The following IL1RAP variants were observed in gnomAD, a reference collection of about 807,000 sequenced individuals.
IL1RAP encodes interleukin-1 receptor accessory protein.
IL1RAP carries 35 observed loss-of-function variants against 60.7 expected under a neutral mutation model. The observed-to-expected ratio is 0.58, with a 90% CI of 0.44 to 0.76. The LOEUF (loss-of-function observed/expected upper bound fraction) is 0.76, where lower values mean the gene tolerates loss of function less well. Among genes scored for constraint, IL1RAP ranks in the 30% least tolerant of loss-of-function variants. The probability of loss-of-function intolerance (pLI) is 0.00; values close to 1 mark genes in which losing one functional copy is unlikely to be tolerated. For missense variants in IL1RAP, 572 were observed against 693.9 expected (o/e 0.82, Z 1.97); for synonymous variants, 268 against 250.9 (o/e 1.07, Z -0.64).
At chr3:190,612,941 A>C (rs1380217243) in intron 5 of IL1RAP, among the ~76,000 whole-genome samples, 2 of 152,132 alleles carry the variant, frequency 1.3e-5, no homozygotes, top group African/African-American at 2.4e-5. Context: ...AACTGTGATC[A>C]GTGCAATATG....
intron 3 of IL1RAP, among the ~76,000 whole-genome samples, chr3:190,590,063 C>T (rs1339062662): frequency 1.3e-5 from 2 of 152,218 alleles, no homozygotes; most frequent in Non-Finnish European, 2.9e-5. Context: ...TAATAATCCA[C>T]ATCATGATAG....
At chr3:190,540,135 T>C in intron 1 of IL1RAP, among the ~76,000 whole-genome samples, 1 of 152,102 alleles carries the variant, frequency 6.6e-6, no homozygotes. Flanking sequence ...TAGAGAGATC[T>C]AGGACATCTT....
At chr3:190,564,156 G>C in intron 2 of IL1RAP, 133 bp from the exon 3 acceptor site, 1 of 619,658 alleles carries the variant, frequency 1.6e-6, no homozygotes, top group Non-Finnish European at 2.9e-6. Flanking sequence ...TTCTGACAAT[G>C]AAATTTGTTA....
chr3:190,638,742 T>C (rs1427815687), intron 9 of IL1RAP, among the ~76,000 whole-genome samples: 2 of 152,176 alleles, frequency 1.3e-5, no homozygotes, highest in Non-Finnish European at 2.9e-5. Context: ...TTTTTTTTCA[T>C]GAATGGTGTG....
At position 190,644,398 on chromosome 3, in the gene IL1RAP, G is replaced by A; in HGVS notation, c.1201+1G>A. On this transcript the variant is annotated splice_donor_variant, in intron 10 of 11. Transcript: ENST00000447382. LOFTEE classifies it high-confidence loss of function. ...TTTGGAACAGATGAAACCATTTTAG[G>A]TAAGTAACAGAAATTTGACATAAAC... The A allele has an allele frequency of 6.2e-7, 1 of 1,610,828 alleles. No homozygotes were observed. Among genetic ancestry groups the A allele is most frequent in the Non-Finnish European group, 8.5e-7 (1 of 1,177,276 alleles).
intron 5 of IL1RAP, among the ~76,000 whole-genome samples, chr3:190,611,655 G>A (rs1020462455): frequency 3.3e-5 from 5 of 152,146 alleles, no homozygotes; most frequent in Admixed American, 2.0e-4. Flanking sequence ...ATTGACATGG[G>A]CCGTGACGAA....
chr3:190,519,366 C>A (rs1160519101), intron 1 of IL1RAP, among the ~76,000 whole-genome samples: 1 of 152,130 alleles, frequency 6.6e-6, no homozygotes, highest in Non-Finnish European at 1.5e-5. Flanking sequence ...GTACTTTTGT[C>A]ATTTCATTTA....
intron 3 of IL1RAP, among the ~76,000 whole-genome samples, chr3:190,590,321 T>C (rs927588527): frequency 1.3e-5 from 2 of 151,814 alleles, no homozygotes; most frequent in East Asian, 3.9e-4. Flanking sequence ...AGTGGCACCA[T>C]CTTGGCTCAC....
chr3:190,595,718 G>A (rs2193873), intron 3 of IL1RAP, among the ~76,000 whole-genome samples: 79,043 of 151,872 alleles, frequency 0.52, 20,867 homozygotes, highest in African/African-American at 0.58. Context: ...ACTGGTTCTG[G>A]TCTCAGCCAA....
chr3:190,628,181 T>G (rs1732477409), intron 8 of IL1RAP, among the ~76,000 whole-genome samples: 1 of 152,176 alleles, frequency 6.6e-6, no homozygotes. Flanking sequence ...AAGGTTCCAC[T>G]GCAAATGAAG....
intron 9 of IL1RAP, among the ~76,000 whole-genome samples, chr3:190,637,449 A>T (rs1197985084): frequency 6.6e-6 from 1 of 151,748 alleles, no homozygotes; most frequent in Non-Finnish European, 1.5e-5. Context: ...CCTACCATTA[A>T]CATTGGTTAT....
chr3:190,609,847 T>C (rs544742108), intron 5 of IL1RAP, among the ~76,000 whole-genome samples: 9 of 151,988 alleles, frequency 5.9e-5, no homozygotes, highest in African/African-American at 2.2e-4. Context: ...ATGGGATCAG[T>C]GTTTGTGGGG....
intron 9 of IL1RAP, among the ~76,000 whole-genome samples, chr3:190,633,081 TA>T (rs1050210267): frequency 8.7e-5 from 7 of 80,876 alleles, no homozygotes; most frequent in Admixed American, 2.3e-4. Flanking sequence ...AGGAACCATA[TA>T]TTTTTTTTCG....
At chr3:190,631,038 T>TACTTATTTAAAATCC (rs1430786591) in intron 9 of IL1RAP, among the ~76,000 whole-genome samples, 1 of 152,208 alleles carries the variant, frequency 6.6e-6, no homozygotes, top group African/African-American at 2.4e-5. Flanking sequence ...AAGTATCATT[T>TACTTATTTAAAATCC]ATGTCTGGAT....
At chr3:190,562,373 T>G (rs917311087) in intron 2 of IL1RAP, among the ~76,000 whole-genome samples, 1 of 150,820 alleles carries the variant, frequency 6.6e-6, no homozygotes, top group African/African-American at 2.4e-5. Flanking sequence ...TGCAGGGGGT[T>G]TTTTTTTTGG....
chr3:190,623,257 A>G, intron 6 of IL1RAP, 87 bp from the exon 7 acceptor site: 3 of 961,032 alleles, frequency 3.1e-6, no homozygotes, highest in South Asian at 2.6e-5. Flanking sequence ...TATGCCAGGA[A>G]GTTAGGCAAG....
In IL1RAP at chr3:190,568,569, T is replaced by G. The variant is rs572163791; in HGVS notation, c.64+4216T>G. On this transcript the variant is annotated intron_variant, in intron 3 of 11. Coordinates refer to ENST00000447382, the MANE Select transcript of IL1RAP (RefSeq NM_002182.4). The stretch of plus-strand genomic sequence containing the variant: ...ATAAATAGTAAAAAACACTGTGGTT[T>G]CCTAGTAATTGAGAGATTCAAGTTC... 4.6e-5 allele frequency among the ~76,000 whole-genome samples: 7 copies of G among 152,316 alleles called. No individual in the cohort carries two copies. The South Asian group carries it at 1.5e-3, about 32-fold the overall frequency.
rs900681328 is a variant in IL1RAP at position 190,567,494 on chromosome 3, T to G, written c.64+3141T>G. On this transcript the variant is annotated intron_variant, in intron 3 of 11. Transcript: ENST00000447382. Reference sequence around the variant, plus strand: ...TGGGTAAGACAAGTTAGGATCAAAGTATTTAATTGTATTACTCGAAGTCAC... The same window carrying G: ...TGGGTAAGACAAGTTAGGATCAAAGGATTTAATTGTATTACTCGAAGTCAC... Among the ~76,000 whole-genome samples, 8 of 152,202 alleles carry G rather than the reference T, an allele frequency of 5.3e-5. 1 individual carries two copies. Among genetic ancestry groups the G allele is most frequent in the Non-Finnish European group, 5.9e-5 (4 of 68,038 alleles).
intron 5 of IL1RAP, among the ~76,000 whole-genome samples, chr3:190,612,290 C>T (rs1456718562): frequency 6.6e-6 from 1 of 151,918 alleles, no homozygotes; most frequent in Non-Finnish European, 1.5e-5. Context: ...AACAGTTTTA[C>T]ATCAATAAGT....
Sources: allele counts gnomAD v4.1 joint callset (sites outside exome capture counted in the v4.1 genomes callset), GRCh38; gene constraint gnomAD v4.1.1; transcripts MANE v1.5; gene names NCBI Gene and HGNC (gene_info 2026-07-23, HGNC 2026-07-21).